MIPOL1: variants seen among roughly 807,000 people sequenced by gnomAD.
MIPOL1 encodes mirror-image polydactyly 1.
MIPOL1 carries 57 observed loss-of-function variants against 60.9 expected under a neutral mutation model. The observed-to-expected ratio is 0.94, with a 90% CI of 0.76 to 1.17. The LOEUF is 1.17. Ranked by LOEUF, MIPOL1 falls within the 50% of genes most tolerant of loss-of-function variation. MIPOL1 has a pLI of 0.00. For missense variants in MIPOL1, 551 were observed against 511.6 expected (o/e 1.08, Z -0.74); for synonymous variants, 179 against 168.8 (o/e 1.06, Z -0.47).
At chr14:37,523,536 T>C (rs1168459540) in intron 12 of MIPOL1, 2 of 429,816 alleles carry the variant, frequency 4.7e-6, no homozygotes, top group Non-Finnish European at 8.2e-6. Context: ...TCCTAATGGA[T>C]AAAAGAAGAA....
At chr14:37,527,048 A>G (rs1163021103) in intron 12 of MIPOL1, among the ~76,000 whole-genome samples, 3 of 151,968 alleles carry the variant, frequency 2.0e-5, no homozygotes, top group Non-Finnish European at 2.9e-5. Context: ...TTAGCAGTTT[A>G]TTTTTCTTTT....
intron 9 of MIPOL1, among the ~76,000 whole-genome samples, chr14:37,339,143 C>T (rs777464870): frequency 5.3e-5 from 8 of 151,982 alleles, no homozygotes; most frequent in Non-Finnish European, 7.4e-5. Flanking sequence ...TAAAAAGATA[C>T]GCAAACAAAG....
chr14:37,378,229 A>T (rs900683038), intron 10 of MIPOL1, among the ~76,000 whole-genome samples: 2 of 152,124 alleles, frequency 1.3e-5, no homozygotes, highest in South Asian at 4.1e-4. Flanking sequence ...AACACAAATC[A>T]TGTACATAAA....
At chr14:37,214,632 G>T (rs1011619105) in intron 1 of MIPOL1, among the ~76,000 whole-genome samples, 2 of 151,972 alleles carry the variant, frequency 1.3e-5, no homozygotes, top group Non-Finnish European at 2.9e-5. Flanking sequence ...AATAATTCTT[G>T]CTCTACAATT....
chr14:37,302,991 A>T (rs1002812656), intron 7 of MIPOL1, among the ~76,000 whole-genome samples: 2 of 151,886 alleles, frequency 1.3e-5, no homozygotes, highest in Non-Finnish European at 2.9e-5. Flanking sequence ...TGTTCAATTT[A>T]TCAGGCACCA....
chr14:37,389,327 T>C (rs1420509477), intron 10 of MIPOL1, among the ~76,000 whole-genome samples: 1 of 152,128 alleles, frequency 6.6e-6, no homozygotes, highest in Non-Finnish European at 1.5e-5. Context: ...ACTTCATTTC[T>C]ATTTCTTATA....
chr14:37,422,934 T>G lies in MIPOL1; in HGVS notation c.1016T>G (p.Leu339Arg). 6.2e-7 allele frequency: 1 copy of G among 1,603,300 alleles called. No homozygotes were observed. The highest frequency in any genetic ancestry group is 8.5e-7 in the Non-Finnish European group (1 of 1,173,374). ...YKKLEEEIQT[L>R]RVYYSLHKSL... ...AAACTGGAAGAGGAAATCCAGACCC[T>G]TCGAGTTTACTACAGGTAAAATTCT... Residue 339 changes from leucine to arginine, a missense_variant, in exon 11 of 13, where the codon CTT becomes CGT. Leu to Arg is a moderately radical substitution (Grantham distance 102). Coordinates refer to ENST00000684589, the MANE Select transcript of MIPOL1 (RefSeq NM_001388067.1).
chr14:37,491,972 T>G (rs1358964737), intron 11 of MIPOL1, among the ~76,000 whole-genome samples: 1 of 152,172 alleles, frequency 6.6e-6, no homozygotes, highest in Non-Finnish European at 1.5e-5. Flanking sequence ...ATATGCTGAT[T>G]TCCTTAAAAA....
intron 1 of MIPOL1, among the ~76,000 whole-genome samples, chr14:37,218,838 T>C (rs1159760007): frequency 2.0e-5 from 3 of 151,444 alleles, no homozygotes; most frequent in African/African-American, 4.9e-5. Context: ...GGTGGGAGTA[T>C]TGGTTGAGCC....
chr14:37,458,004 A>G (rs1178105778), intron 11 of MIPOL1, among the ~76,000 whole-genome samples: 1 of 152,126 alleles, frequency 6.6e-6, no homozygotes, highest in African/African-American at 2.4e-5. Flanking sequence ...TACCATACAG[A>G]TGGAAAACAA....
chr14:37,390,686 A>G (rs541663207), intron 10 of MIPOL1, among the ~76,000 whole-genome samples: 1 of 152,268 alleles, frequency 6.6e-6, no homozygotes, highest in African/African-American at 2.4e-5. Context: ...AGCAGAAAAC[A>G]GGATTAGTAA....
intron 10 of MIPOL1, among the ~76,000 whole-genome samples, chr14:37,376,189 A>C (rs1208703337): frequency 6.6e-6 from 1 of 152,198 alleles, no homozygotes; most frequent in Non-Finnish European, 1.5e-5. Context: ...TTGACACATC[A>C]TTGTAACCAA....
chr14:37,237,705 G>C (rs1971708081), intron 1 of MIPOL1, among the ~76,000 whole-genome samples: 1 of 152,126 alleles, frequency 6.6e-6, no homozygotes, highest in African/African-American at 2.4e-5. Flanking sequence ...TTGAAGTTTT[G>C]ATCTTAAGTA....
intron 9 of MIPOL1, among the ~76,000 whole-genome samples, chr14:37,334,585 G>A (rs959860437): frequency 6.6e-6 from 1 of 151,790 alleles, no homozygotes; most frequent in South Asian, 2.1e-4. Flanking sequence ...TCAGATTTGT[G>A]TAGTCACTAC....
chr14:37,208,667 C>T (rs1486834608), intron 1 of MIPOL1, among the ~76,000 whole-genome samples: 2 of 152,182 alleles, frequency 1.3e-5, no homozygotes, highest in African/African-American at 4.8e-5. Flanking sequence ...AGTCTTGGCT[C>T]ACTGCAACCT....
intron 9 of MIPOL1, among the ~76,000 whole-genome samples, chr14:37,353,650 C>G (rs1355166442): frequency 2.0e-5 from 3 of 151,118 alleles, no homozygotes; most frequent in Non-Finnish European, 3.0e-5. Flanking sequence ...TGTATGTGTC[C>G]AGGAATTTAT....
intron 11 of MIPOL1, among the ~76,000 whole-genome samples, chr14:37,424,982 A>G (rs1045370320): frequency 3.9e-5 from 6 of 152,228 alleles, no homozygotes; most frequent in Non-Finnish European, 7.3e-5. Flanking sequence ...TTCTACATGC[A>G]TATTTCAGTT....
At chr14:37,350,405 T>A (rs919112622) in intron 9 of MIPOL1, among the ~76,000 whole-genome samples, 5 of 151,892 alleles carry the variant, frequency 3.3e-5, no homozygotes, top group Admixed American at 6.6e-5. Flanking sequence ...CTTTTCTTTT[T>A]CTTTCTTTCC....
rs1339475231 is a variant in MIPOL1 at position 37,308,106 on chromosome 14, G to A, written c.657+17G>A. 6.2e-7 allele frequency: 1 copy of A among 1,606,998 alleles called. No homozygotes were observed. Among genetic ancestry groups the A allele is most frequent in the South Asian group, 1.1e-5 (1 of 90,226 alleles). On this transcript the variant is annotated intron_variant, in intron 8 of 12. Transcript: ENST00000684589. ...AATGACATGGTAAGCCATTCTCTGA[G>A]GAGATTTCTTGATGTCAGTCTTATA...
Sources: gnomAD v4.1 joint callset for allele counts (sites outside exome capture counted in the v4.1 genomes callset) on GRCh38, gnomAD v4.1.1 for gene constraint, MANE v1.5 for transcripts, NCBI Gene and HGNC (gene_info 2026-07-23, HGNC 2026-07-21) for gene names.